The following PSG11 variants were observed in gnomAD, a reference collection of about 807,000 sequenced individuals.
The protein encoded by PSG11 is pregnancy specific beta-1-glycoprotein 11, also known as pregnancy-specific beta-1-glycoprotein 11.
Under a neutral mutation model 36.0 loss-of-function variants are expected in PSG11, and 42 were observed. That is an observed-to-expected ratio of 1.17 (90% CI 0.91 to 1.51). The LOEUF (loss-of-function observed/expected upper bound fraction) is 1.51. Ranked by LOEUF, PSG11 falls within the 40% of genes most tolerant of loss-of-function variation. The pLI is 0.00. For synonymous variants in PSG11, 206 were observed against 153.5 expected, an observed-to-expected ratio of 1.34 and a Z score of -2.53; for missense variants, 558 against 403.5, an observed-to-expected ratio of 1.38 and a Z score of -3.28.
At chr19:43,011,640 A>G (rs1310751600) in intron 4 of PSG11, among the ~76,000 whole-genome samples, 1 of 151,320 alleles carries the variant, frequency 6.6e-6, no homozygotes, top group Non-Finnish European at 1.5e-5. Context: ...TAATCCTAGC[A>G]CTTTGGGAGG....
rs757891886 is a variant in PSG11 at position 43,018,816 on chromosome 19, G to A, written c.663C>T (p.Asn221=). The A allele has an allele frequency of 2.5e-6, 4 of 1,612,098 alleles. No individual in the cohort carries two copies. The Admixed American group carries it at 5.0e-5, about 20-fold the overall frequency. Residue 221 remains asparagine, a synonymous_variant, in exon 3 of 6, where the codon AAC becomes AAT. Coordinates refer to ENST00000320078, the MANE Select transcript of PSG11 (RefSeq NM_002785.3). ...TAGPYECEIW[N]SGSASRSDPV... ...GGTCACTGCGGCTGGCACTCCCTGA[G>A]TTCCATATTTCACATTCATAGGGTC...
chr19:43,016,970 C>T (rs1480638247), intron 3 of PSG11, among the ~76,000 whole-genome samples: 3 of 151,416 alleles, frequency 2.0e-5, no homozygotes, highest in Non-Finnish European at 2.9e-5. Flanking sequence ...AAAAGTTTTG[C>T]AAGTAGTTTC....
chr19:43,008,131 A>C (rs988854393), intron 5 of PSG11, 89 bp from the exon 6 acceptor site: 1 of 316,154 alleles, frequency 3.2e-6, no homozygotes, highest in African/African-American at 2.2e-5. Flanking sequence ...CAAAGATTTA[A>C]AATGACTATG....
chr19:43,016,003 G>A lies in PSG11; in HGVS notation c.710-633C>T, dbSNP rs1335047961. ...GGTTAAGACATCCTTATTCTCCCTG[G>A]GGTTTAAGTTGTTGATGGTGATGTA... On this transcript the variant is annotated intron_variant, in intron 3 of 5. Coordinates refer to ENST00000320078, the MANE Select transcript of PSG11 (RefSeq NM_002785.3). The A allele has an allele frequency of 1.2e-5, 20 of 1,610,072 alleles. No homozygotes were observed. The East Asian group carries it at 4.2e-4, about 34-fold the overall frequency.
Position 43,015,158 on chromosome 19 carries a change from T to A in PSG11, c.922A>T (p.Thr308Ser). The A allele has an allele frequency of 6.2e-7, 1 of 1,612,000 alleles. No homozygotes were observed. Among genetic ancestry groups the A allele is most frequent in the Non-Finnish European group, 8.5e-7 (1 of 1,178,896 alleles). ...LYACSARNSATGEESSTSLTI... is the reference protein window; with the variant it reads ...LYACSARNSASGEESSTSLTI... ...AAGGATGTGGAGCTTTCCTCGCCAG[T>A]GGCTGAGTTACGAGCAGAGCAAGCA... The change falls in exon 4 of 6, where the codon ACT becomes TCT. Residue 308 changes from threonine to serine, a missense_variant. Coordinates refer to ENST00000320078, the MANE Select transcript of PSG11 (RefSeq NM_002785.3).
chr19:43,023,725 C>T (rs1967162664), intron 2 of PSG11, among the ~76,000 whole-genome samples: 1 of 151,134 alleles, frequency 6.6e-6, no homozygotes, highest in African/African-American at 2.4e-5. Flanking sequence ...CCTGATCTCC[C>T]CTTTGCGTTT....
At chr19:43,008,360 C>T (rs1428338260) in intron 5 of PSG11, among the ~76,000 whole-genome samples, 1 of 151,180 alleles carries the variant, frequency 6.6e-6, no homozygotes, top group Non-Finnish European at 1.5e-5. Context: ...GCAAGCTCTG[C>T]CTCCCGGGTT....
At chr19:43,021,349 C>G (rs1967097036) in intron 2 of PSG11, among the ~76,000 whole-genome samples, 1 of 151,122 alleles carries the variant, frequency 6.6e-6, no homozygotes, top group Admixed American at 6.6e-5. Context: ...TTCTTCATTT[C>G]TCTTACAGCA....
chr19:43,023,469 G>T (rs1011166033), intron 2 of PSG11, among the ~76,000 whole-genome samples: 14 of 150,872 alleles, frequency 9.3e-5, no homozygotes, highest in African/African-American at 3.2e-4. Flanking sequence ...TCAGTGATGG[G>T]GGTTAAGATC....
chr19:43,015,576 A>T (rs1966942340), intron 3 of PSG11, among the ~76,000 whole-genome samples: 1 of 151,320 alleles, frequency 6.6e-6, no homozygotes, highest in African/African-American at 2.4e-5. Flanking sequence ...CCATGACAAG[A>T]GCATCCCCTC....
intron 5 of PSG11, among the ~76,000 whole-genome samples, chr19:43,009,740 T>A (rs1470677721): frequency 6.6e-6 from 1 of 151,244 alleles, no homozygotes; most frequent in Non-Finnish European, 1.5e-5. Context: ...GAGAAACAAA[T>A]GAGCAGAGGC....
At position 43,021,615 on chromosome 19, in the gene PSG11, C is replaced by T. The variant is rs539153755; in HGVS notation, c.431-2567G>A. Among the ~76,000 whole-genome samples, 6 of 151,462 alleles carry T rather than the reference C, an allele frequency of 4.0e-5. 1 individual carries two copies. The highest frequency in any genetic ancestry group is 9.7e-5 in the African/African-American group (4 of 41,124). ...CCTGCCCCAGTCTCCCAAAGTGCTG[C>T]GATTATAGGCATCAGCCACTGTGCC... On this transcript the variant is annotated intron_variant, in intron 2 of 5. Transcript: ENST00000320078.
rs754413450 is a variant in PSG11 at position 43,015,136 on chromosome 19, G to A, written c.944C>T (p.Ser315Phe). The change falls in exon 4 of 6, where the codon TCC (serine) becomes TTC (phenylalanine). Residue 315 changes from serine (S) to phenylalanine (F), a missense_variant. Transcript: ENST00000320078. ...NSATGEESST[S>F]LTIRVIAPPG... The stretch of plus-strand genomic sequence containing the variant: ...CTTACCAATGACTCTGATTGTCAAG[G>A]ATGTGGAGCTTTCCTCGCCAGTGGC... The A allele has an allele frequency of 1.9e-6, 3 of 1,611,998 alleles. No individual in the cohort carries two copies. Among genetic ancestry groups the A allele is most frequent in the South Asian group, 2.2e-5 (2 of 90,816 alleles).
chr19:43,010,367 T>C (rs7246855), intron 4 of PSG11: 713,285 of 1,528,316 alleles, frequency 0.47, 181,099 homozygotes, highest in East Asian at 0.99. Flanking sequence ...TGCATCTTTT[T>C]CTCAGTGTCT....
At position 43,014,631 on chromosome 19, in the gene PSG11, G is replaced by A. The variant is rs201184114; in HGVS notation, c.964+485C>T. 5.9e-4 allele frequency: 627 copies of A among 1,069,180 alleles called. 12 individuals are homozygous for A. The highest frequency in any genetic ancestry group is 5.5e-3 in the African/African-American group (324 of 59,086). The allele number at this position is 1,069,180 out of a possible 1,614,324, so 66.2% of individuals were successfully genotyped here. A position where few individuals can be genotyped will look rare whatever the true frequency, so the allele number is the denominator to read the frequency against. On this transcript the variant is annotated intron_variant, in intron 4 of 5. Coordinates refer to ENST00000320078, the MANE Select transcript of PSG11 (RefSeq NM_002785.3). ...GCAGGGCCAGTCACCAGAGGAGCCC[G>A]GAGCAGAGCAGGAAGCAGAGTCTGA...
chr19:43,017,221 G>A (rs866932635), intron 3 of PSG11: 3 of 151,344 alleles, frequency 2.0e-5, no homozygotes, highest in East Asian at 1.9e-4. Context: ...ATAAGACTTA[G>A]GACAAAAAGT....
chr19:43,022,231 C>A (rs1034249111), intron 2 of PSG11, among the ~76,000 whole-genome samples: 2 of 151,528 alleles, frequency 1.3e-5, no homozygotes, highest in Admixed American at 1.3e-4. Flanking sequence ...TAACTAATTG[C>A]TCCTATAGAT....
chr19:43,021,639 C>T (rs1967104423), intron 2 of PSG11, among the ~76,000 whole-genome samples: 1 of 151,476 alleles, frequency 6.6e-6, no homozygotes, highest in African/African-American at 2.4e-5. Flanking sequence ...AGCCACTGTG[C>T]CCAGCCATCT....
chr19:43,009,046 T>G (rs1974004759), intron 5 of PSG11, among the ~76,000 whole-genome samples: 1 of 151,328 alleles, frequency 6.6e-6, no homozygotes, highest in South Asian at 2.1e-4. Context: ...TCTGATTTCT[T>G]GTGGCATTCA....
Sources: gnomAD v4.1 joint callset for allele counts (sites outside exome capture counted in the v4.1 genomes callset) on GRCh38, gnomAD v4.1.1 for gene constraint, MANE v1.5 for transcripts, NCBI Gene and HGNC (gene_info 2026-07-23, HGNC 2026-07-21) for gene names.